Variants in MSI2 observed in about 807,000 individuals in gnomAD.
MSI2 encodes musashi RNA binding protein 2, also known as RNA-binding protein Musashi homolog 2.
Under a neutral mutation model 45.6 loss-of-function variants are expected in MSI2, and 17 were observed. That is an observed-to-expected ratio of 0.37 (90% CI 0.26 to 0.56). The LOEUF (loss-of-function observed/expected upper bound fraction) is 0.56. MSI2 is among the 20% of genes least tolerant of loss of function. The pLI is 0.77. For synonymous variants in MSI2, 156 were observed against 158.2 expected, an observed-to-expected ratio of 0.99 and a Z score of 0.11; for missense variants, 293 against 444.2, an observed-to-expected ratio of 0.66 and a Z score of 3.06.
chr17:57,431,876 C>T (rs186552167), intron 6 of MSI2, among the ~76,000 whole-genome samples: 2 of 152,300 alleles, frequency 1.3e-5, no homozygotes, highest in African/African-American at 4.8e-5. Flanking sequence ...CCAGTTGGTT[C>T]TGTAGACAGA....
At chr17:57,312,880 C>T (rs1217685317) in intron 5 of MSI2, among the ~76,000 whole-genome samples, 1 of 152,154 alleles carries the variant, frequency 6.6e-6, no homozygotes, top group African/African-American at 2.4e-5. Context: ...CAGAGTCTCG[C>T]TCTGTTGCCA....
intron 5 of MSI2, among the ~76,000 whole-genome samples, chr17:57,393,654 T>C (rs2083835806): frequency 6.6e-6 from 1 of 152,174 alleles, no homozygotes; most frequent in Non-Finnish European, 1.5e-5. Flanking sequence ...TGCTGGATCA[T>C]ATGGTAACAC....
At chr17:57,295,266 C>G (rs1910823054) in intron 5 of MSI2, among the ~76,000 whole-genome samples, 1 of 152,130 alleles carries the variant, frequency 6.6e-6, no homozygotes. Context: ...TCTGGTGGCC[C>G]TGCCGCCCTG....
At chr17:57,539,043 A>G (rs950652174) in intron 7 of MSI2, among the ~76,000 whole-genome samples, 2 of 152,386 alleles carry the variant, frequency 1.3e-5, no homozygotes, top group Non-Finnish European at 2.9e-5. Context: ...GCACACGTGC[A>G]TATCATATGC....
chr17:57,700,177 G>C, the MSI2 span, among the ~76,000 whole-genome samples: 1 of 152,240 alleles, frequency 6.6e-6, no homozygotes, highest in East Asian at 1.9e-4. Flanking sequence ...AGATGTGCCT[G>C]TGTGTTTATG....
At chr17:57,667,061 G>T (rs540081195) in intron 11 of MSI2, among the ~76,000 whole-genome samples, 6 of 152,154 alleles carry the variant, frequency 3.9e-5, no homozygotes, top group African/African-American at 7.2e-5. Context: ...AAAGGCTCTG[G>T]TATCACCCAA....
intron 9 of MSI2, among the ~76,000 whole-genome samples, chr17:57,619,099 C>T (rs998154500): frequency 6.6e-6 from 1 of 152,202 alleles, no homozygotes; most frequent in Non-Finnish European, 1.5e-5. Context: ...GGAGCCAGCT[C>T]AGGTCCTGTC....
chr17:57,602,716 T>G (rs1382053309), intron 8 of MSI2, among the ~76,000 whole-genome samples: 1 of 152,172 alleles, frequency 6.6e-6, no homozygotes, highest in Non-Finnish European at 1.5e-5. Flanking sequence ...TTACAGAAAT[T>G]TGCTAAGTAA....
chr17:57,666,600 GCTGCCTCGTAAGT>G (rs1378024135), intron 11 of MSI2, among the ~76,000 whole-genome samples: 2 of 152,194 alleles, frequency 1.3e-5, no homozygotes, highest in Non-Finnish European at 2.9e-5. Flanking sequence ...ACTACATTAG[GCTGCCTCGTAAGT>G]CTGTGGTCCC....
At chr17:57,416,453 C>T (rs1403015966) in intron 6 of MSI2, among the ~76,000 whole-genome samples, 1 of 152,188 alleles carries the variant, frequency 6.6e-6, no homozygotes, top group Non-Finnish European at 1.5e-5. Flanking sequence ...AATAATTTTC[C>T]CTCCCATAGG....
chr17:57,256,917 CG>C, intron 1 of MSI2, 113 bp downstream of exon 1: 6 of 388,806 alleles, frequency 1.5e-5, no homozygotes, highest in South Asian at 1.5e-4. Context: ...CTCTCCCGCG[CG>C]CCCCCCCCGT....
Position 57,681,623 on chromosome 17 carries a change from AT to A in MSI2, c.*2114del, listed in dbSNP as rs1288523459. Reference sequence around the variant, plus strand: ...TCAATTCTAATGAAACAGCAACAACATTTTTTTTAATTAAAAAAAAAATCAT... The same window carrying A: ...TCAATTCTAATGAAACAGCAACAACATTTTTTTAATTAAAAAAAAAATCAT... On this transcript the variant is annotated 3_prime_UTR_variant, in exon 14 of 14. Coordinates refer to ENST00000284073, the MANE Select transcript of MSI2 (RefSeq NM_138962.4). 8 of 185,406 alleles carry A rather than the reference AT, an allele frequency of 4.3e-5. No homozygotes were observed. The highest frequency in any genetic ancestry group is 1.2e-4 in the Admixed American group (2 of 16,078). The allele number at this position is 185,406 out of a possible 1,614,324, so 11.5% of individuals were successfully genotyped here.
intron 6 of MSI2, among the ~76,000 whole-genome samples, chr17:57,472,970 G>T (rs2085468539): frequency 6.6e-6 from 1 of 151,300 alleles, no homozygotes; most frequent in African/African-American, 2.4e-5. Context: ...TCGGCTCACT[G>T]CAACCTCTGC....
intron 5 of MSI2, among the ~76,000 whole-genome samples, chr17:57,352,084 C>T (rs2143846744): frequency 6.6e-6 from 1 of 152,320 alleles, no homozygotes; most frequent in South Asian, 2.1e-4. Flanking sequence ...ATATAAGTCG[C>T]AGGAAAGTCG....
At chr17:57,541,016 A>C (rs2087033769) in intron 7 of MSI2, among the ~76,000 whole-genome samples, 1 of 152,148 alleles carries the variant, frequency 6.6e-6, no homozygotes, top group Admixed American at 6.5e-5. Context: ...AATGATGTGC[A>C]AGAGAAGTTA....
intron 3 of MSI2, 70 bp from the exon 4 acceptor site, chr17:57,258,200 C>A: frequency 7.2e-7 from 1 of 1,390,022 alleles, no homozygotes; most frequent in Non-Finnish European, 1.0e-6. Flanking sequence ...AGCCTTAGGT[C>A]TCACTCCTGG....
At position 57,416,193 on chromosome 17, in the gene MSI2, C is replaced by G. The variant is rs566991163; in HGVS notation, c.405+14722C>G. 3.3e-5 allele frequency among the ~76,000 whole-genome samples: 5 copies of G among 152,244 alleles called. No homozygotes were observed. The South Asian group carries it at 6.2e-4, about 19-fold the overall frequency. On this transcript the variant is annotated intron_variant, in intron 6 of 13. Transcript: ENST00000284073. ...AAGCACTCAGTGCTTGCCTGGCAGC[C>G]GAGACCAGAGGAGAAGCAGAGGAAA...
intron 5 of MSI2, among the ~76,000 whole-genome samples, chr17:57,369,002 GA>G (rs1567784269): frequency 6.6e-6 from 1 of 152,132 alleles, no homozygotes; most frequent in Non-Finnish European, 1.5e-5. Context: ...CTCACCATGA[GA>G]TTTTTTTCTA....
chr17:57,467,039 T>G (rs1250062410), intron 6 of MSI2, among the ~76,000 whole-genome samples: 1 of 152,260 alleles, frequency 6.6e-6, no homozygotes, highest in Non-Finnish European at 1.5e-5. Context: ...GTGGAGTCAC[T>G]GTGTATCTTT....
Sources: allele counts gnomAD v4.1 joint callset (sites outside exome capture counted in the v4.1 genomes callset), GRCh38; gene constraint gnomAD v4.1.1; transcripts MANE v1.5; gene names NCBI Gene and HGNC (gene_info 2026-07-23, HGNC 2026-07-21).